ARHGAP42: variants seen among roughly 807,000 people sequenced by gnomAD.
ARHGAP42 encodes the protein Rho GTPase activating protein 42.
Under a neutral mutation model 125.0 loss-of-function variants are expected in ARHGAP42, and 63 were observed. The observed-to-expected ratio is 0.50, with a 90% CI of 0.41 to 0.62. The LOEUF is 0.62. Among genes scored for constraint, ARHGAP42 ranks in the 20% least tolerant of loss-of-function variants. The pLI, the probability that ARHGAP42 is intolerant of heterozygous loss-of-function variation, is 0.00. For missense variants in ARHGAP42, 766 were observed against 1,024.2 expected, an observed-to-expected ratio of 0.75 and a Z score of 3.44; for synonymous variants, 339 against 351.0, an observed-to-expected ratio of 0.97 and a Z score of 0.38.
intron 4 of ARHGAP42, among the ~76,000 whole-genome samples, chr11:100,871,364 G>T (rs1865690570): frequency 6.6e-6 from 1 of 151,710 alleles, no homozygotes; most frequent in Admixed American, 6.6e-5. Context: ...TGGCCAACTG[G>T]TGAAACCCCC....
chr11:100,689,694 A>G (rs1861154030), intron 1 of ARHGAP42, among the ~76,000 whole-genome samples: 1 of 152,064 alleles, frequency 6.6e-6, no homozygotes, highest in Non-Finnish European at 1.5e-5. Context: ...TAATTATACA[A>G]CCTGCTATCT....
At chr11:100,810,881 A>G (rs1035515726) in intron 3 of ARHGAP42, among the ~76,000 whole-genome samples, 5 of 152,282 alleles carry the variant, frequency 3.3e-5, no homozygotes, top group African/African-American at 1.2e-4. Context: ...ATAAATGAGG[A>G]GTGTTCAGCA....
intron 22 of ARHGAP42, among the ~76,000 whole-genome samples, chr11:100,980,897 G>A (rs1145435): frequency 0.88 from 134,030 of 152,130 alleles, 59,151 homozygotes; most frequent in East Asian, 1. Flanking sequence ...ATATGTTTTT[G>A]CATTCTGAAT....
chr11:100,771,065 C>CTT (rs35132040), intron 2 of ARHGAP42, among the ~76,000 whole-genome samples: 212 of 151,904 alleles, frequency 1.4e-3, no homozygotes, highest in African/African-American at 4.5e-3. Context: ...AATTATCTTC[C>CTT]TTTTTTTTCT....
chr11:100,825,543 G>A (rs1864496181), intron 3 of ARHGAP42, among the ~76,000 whole-genome samples: 2 of 152,288 alleles, frequency 1.3e-5, no homozygotes, highest in South Asian at 4.1e-4. Context: ...ATTTGTACGT[G>A]AAGAATATTT....
At chr11:100,833,608 A>C (rs1487156449) in intron 3 of ARHGAP42, among the ~76,000 whole-genome samples, 4 of 152,208 alleles carry the variant, frequency 2.6e-5, no homozygotes, top group Admixed American at 2.0e-4. Context: ...TTCTTACTGC[A>C]TGTGATCTCT....
intron 1 of ARHGAP42, among the ~76,000 whole-genome samples, chr11:100,762,654 T>C (rs1049256599): frequency 6.6e-6 from 1 of 152,186 alleles, no homozygotes; most frequent in Non-Finnish European, 1.5e-5. Flanking sequence ...TAAAACTTTG[T>C]TCAAGTAAAT....
At chr11:100,869,024 A>G (rs779716537) in intron 4 of ARHGAP42, among the ~76,000 whole-genome samples, 5 of 152,112 alleles carry the variant, frequency 3.3e-5, no homozygotes, top group Non-Finnish European at 7.4e-5. Flanking sequence ...ATGCATGTAG[A>G]TTAGTTTGCC....
intron 3 of ARHGAP42, among the ~76,000 whole-genome samples, chr11:100,836,904 A>G (rs1463434158): frequency 6.6e-6 from 1 of 151,910 alleles, no homozygotes; most frequent in Non-Finnish European, 1.5e-5. Flanking sequence ...TAGTCTCTGG[A>G]GGTAAATCAT....
intron 3 of ARHGAP42, among the ~76,000 whole-genome samples, chr11:100,840,296 T>C (rs2135110664): frequency 6.6e-6 from 1 of 152,262 alleles, no homozygotes. Flanking sequence ...TTGTCAGTAA[T>C]GGTGATTTTC....
At chr11:100,959,737 A>G (rs1024245434) in intron 12 of ARHGAP42, 146 bp from the exon 13 acceptor site, 1 of 666,742 alleles carries the variant, frequency 1.5e-6, no homozygotes. Flanking sequence ...CCCCAAAATA[A>G]AAAGTCAGCC....
intron 3 of ARHGAP42, among the ~76,000 whole-genome samples, chr11:100,797,618 A>T (rs1265160469): frequency 6.6e-6 from 1 of 152,026 alleles, no homozygotes; most frequent in Admixed American, 6.6e-5. Flanking sequence ...AAAAAAAAAG[A>T]TAGCATTAAA....
At chr11:100,882,773 T>G (rs1865993168) in intron 4 of ARHGAP42, among the ~76,000 whole-genome samples, 1 of 152,108 alleles carries the variant, frequency 6.6e-6, no homozygotes, top group Non-Finnish European at 1.5e-5. Flanking sequence ...TCTTGCTGCT[T>G]GTTCTCTTCA....
chr11:100,714,484 G>A (rs1481252658), intron 1 of ARHGAP42, among the ~76,000 whole-genome samples: 2 of 151,986 alleles, frequency 1.3e-5, no homozygotes, highest in African/African-American at 4.8e-5. Context: ...TTCCAGAGCT[G>A]ATGGGATGCC....
intron 5 of ARHGAP42, 37 bp from the exon 6 acceptor site, chr11:100,921,457 G>C (rs1328402710): frequency 5.6e-6 from 8 of 1,416,272 alleles, no homozygotes; most frequent in Non-Finnish European, 7.7e-6. Flanking sequence ...TCTCTATGTA[G>C]AACCATCAGT....
chr11:100,839,497 A>T (rs902072471), intron 3 of ARHGAP42: 2 of 152,202 alleles, frequency 1.3e-5, no homozygotes, highest in Non-Finnish European at 2.9e-5. Context: ...TAACATGAGG[A>T]TATGTGGAAT....
chr11:100,802,833 T>C (rs577223450), intron 3 of ARHGAP42, among the ~76,000 whole-genome samples: 1 of 152,298 alleles, frequency 6.6e-6, no homozygotes, highest in Admixed American at 6.5e-5. Flanking sequence ...TACAGCTTTG[T>C]CCTTTCCTCT....
At chr11:100,841,564 G>C (rs1933666014) in intron 3 of ARHGAP42, among the ~76,000 whole-genome samples, 1 of 152,180 alleles carries the variant, frequency 6.6e-6, no homozygotes, top group Non-Finnish European at 1.5e-5. Flanking sequence ...AGTCAGCAGA[G>C]AATTAAATCT....
intron 4 of ARHGAP42, among the ~76,000 whole-genome samples, chr11:100,866,672 A>C (rs556368830): frequency 7.9e-5 from 12 of 152,212 alleles, no homozygotes; most frequent in South Asian, 6.2e-4. Context: ...AGTGCTGCAC[A>C]CTTTCAAACA....
Sources: allele counts gnomAD v4.1 joint callset (sites outside exome capture counted in the v4.1 genomes callset), GRCh38; gene constraint gnomAD v4.1.1; transcripts MANE v1.5; gene names NCBI Gene and HGNC (gene_info 2026-07-23, HGNC 2026-07-21).